LRRC4C: variants seen among roughly 807,000 people sequenced by gnomAD.
LRRC4C encodes the protein leucine rich repeat containing 4C, also known as leucine-rich repeat-containing protein 4C.
In LRRC4C, 5 loss-of-function variants were observed where a neutral mutation model predicts 33.6. The ratio of observed to expected loss-of-function variants is 0.15; its 90% CI spans 0.08 to 0.31. The LOEUF (loss-of-function observed/expected upper bound fraction) is 0.31, where lower values mean the gene tolerates loss of function less well. Ranked by LOEUF, LRRC4C falls within the 10% of genes least tolerant of loss-of-function variation. The probability of loss-of-function intolerance (pLI) is 1.00; values close to 1 mark genes in which losing one functional copy is unlikely to be tolerated. For missense variants in LRRC4C, 560 were observed against 796.7 expected (o/e 0.70, Z 3.58); for synonymous variants, 329 against 302.0 (o/e 1.09, Z -0.93).
chr11:40,903,065 A>T (rs936972345), intron 2 of LRRC4C, among the ~76,000 whole-genome samples: 1 of 152,186 alleles, frequency 6.6e-6, no homozygotes, highest in Non-Finnish European at 1.5e-5. Context: ...GCTAGAGAGA[A>T]GTCAATGCCT....
intron 1 of LRRC4C, among the ~76,000 whole-genome samples, chr11:41,012,392 G>C (rs1004234772): frequency 5.3e-5 from 8 of 152,014 alleles, no homozygotes; most frequent in Non-Finnish European, 1.0e-4. Context: ...TTCCATCCAT[G>C]TTGCAGAAAA....
chr11:40,557,094 A>T (rs1218886986), intron 3 of LRRC4C, among the ~76,000 whole-genome samples: 1 of 152,144 alleles, frequency 6.6e-6, no homozygotes, highest in Non-Finnish European at 1.5e-5. Flanking sequence ...TAGCACTGCT[A>T]GCACATATTG....
chr11:40,483,145 G>A lies in LRRC4C; in HGVS notation c.-269-163424C>T, dbSNP rs558955366. ...ACCTTCATGTAGTCAAGGAAGTGAC[G>A]CATCTCTGGCTGGGATTAGGGCATG... On this transcript the variant is annotated intron_variant, in intron 3 of 6. Transcript: ENST00000528697. 1.2e-3 allele frequency among the ~76,000 whole-genome samples: 187 copies of A among 152,258 alleles called. 1 individual carries two copies. Among genetic ancestry groups the A allele is most frequent in the Middle Eastern group, 3.4e-3 (1 of 294 alleles).
At chr11:40,988,989 G>A (rs1474179316) in intron 1 of LRRC4C, among the ~76,000 whole-genome samples, 1 of 151,992 alleles carries the variant, frequency 6.6e-6, no homozygotes, top group Non-Finnish European at 1.5e-5. Flanking sequence ...TAAAGTGCTA[G>A]GATTACAGGC....
At chr11:40,135,527 T>G (rs1856909902) in intron 6 of LRRC4C, among the ~76,000 whole-genome samples, 1 of 152,190 alleles carries the variant, frequency 6.6e-6, no homozygotes, top group Non-Finnish European at 1.5e-5. Flanking sequence ...GAGCTGTACA[T>G]GAAAAGCAAT....
chr11:41,279,902 A>G (rs1386108937), intron 1 of LRRC4C, among the ~76,000 whole-genome samples: 1 of 151,750 alleles, frequency 6.6e-6, no homozygotes, highest in South Asian at 2.1e-4. Flanking sequence ...ATTGAATTAT[A>G]TCATTATATC....
chr11:40,409,761 A>G (rs753070491), intron 3 of LRRC4C, among the ~76,000 whole-genome samples: 3 of 152,040 alleles, frequency 2.0e-5, no homozygotes, highest in Non-Finnish European at 4.4e-5. Context: ...GGAGAAAGGG[A>G]ATCCTTGAAC....
At chr11:41,450,806 T>C (rs1253157053) in intron 1 of LRRC4C, among the ~76,000 whole-genome samples, 2 of 152,172 alleles carry the variant, frequency 1.3e-5, no homozygotes, top group Admixed American at 1.3e-4. Flanking sequence ...CTATTAGCAC[T>C]GATATATGCA....
chr11:41,033,516 C>T lies in LRRC4C; in HGVS notation c.-495-99793G>A, dbSNP rs140869390. Among the ~76,000 whole-genome samples the T allele has an allele frequency of 4.5e-3, 686 of 151,698 alleles. 5 individuals are homozygous for T. The highest frequency in any genetic ancestry group is 0.015 in the African/African-American group (642 of 41,472). ...AAAATTATATACAGGGTGACCATTT[C>T]ATCCTGGTTCACCTGAGACTTTCTG... On this transcript the variant is annotated intron_variant, in intron 1 of 6. Transcript: ENST00000528697.
chr11:40,521,740 G>A (rs1348154362), intron 3 of LRRC4C, among the ~76,000 whole-genome samples: 3 of 152,008 alleles, frequency 2.0e-5, no homozygotes, highest in Non-Finnish European at 4.4e-5. Flanking sequence ...ATTGTGGTGT[G>A]CGCCTGTAGT....
At chr11:40,744,085 G>A (rs1304980152) in intron 2 of LRRC4C, among the ~76,000 whole-genome samples, 8 of 152,170 alleles carry the variant, frequency 5.3e-5, no homozygotes, top group South Asian at 2.1e-4. Flanking sequence ...TGTGTTCACC[G>A]TGTTCCGGCA....
intron 3 of LRRC4C, among the ~76,000 whole-genome samples, chr11:40,432,981 A>G (rs1420750837): frequency 2.6e-5 from 4 of 152,144 alleles, no homozygotes; most frequent in Non-Finnish European, 5.9e-5. Flanking sequence ...ACAAATAATA[A>G]ATGTTCCTTG....
intron 2 of LRRC4C, among the ~76,000 whole-genome samples, chr11:40,802,508 C>CAAA (rs11385732): frequency 2.7e-4 from 39 of 144,858 alleles, no homozygotes; most frequent in African/African-American, 5.5e-4. Flanking sequence ...TTAGAATAAG[C>CAAA]AAAAAAAAAA....
chr11:41,267,831 G>T (rs1481990677), intron 1 of LRRC4C, among the ~76,000 whole-genome samples: 1 of 152,064 alleles, frequency 6.6e-6, no homozygotes, highest in Admixed American at 6.6e-5. Context: ...AGGATAAAAT[G>T]TCTAATAATG....
At chr11:40,820,659 A>T (rs528996879) in intron 2 of LRRC4C, among the ~76,000 whole-genome samples, 39 of 152,038 alleles carry the variant, frequency 2.6e-4, no homozygotes, top group Non-Finnish European at 5.0e-4. Flanking sequence ...CATTTTAAAA[A>T]TTATCAGAAA....
At chr11:40,337,402 C>G (rs932141336) in intron 3 of LRRC4C, among the ~76,000 whole-genome samples, 2 of 152,132 alleles carry the variant, frequency 1.3e-5, no homozygotes, top group African/African-American at 2.4e-5. Context: ...TGATTGAAAT[C>G]TGAGATATCA....
chr11:40,671,805 T>A (rs1944135238), intron 2 of LRRC4C, among the ~76,000 whole-genome samples: 1 of 152,146 alleles, frequency 6.6e-6, no homozygotes, highest in Admixed American at 6.5e-5. Context: ...CTCTGTTTTA[T>A]ATTTTCATCG....
chr11:40,231,773 TAC>T (rs1430531479), intron 5 of LRRC4C, among the ~76,000 whole-genome samples: 1 of 152,254 alleles, frequency 6.6e-6, no homozygotes, highest in Non-Finnish European at 1.5e-5. Flanking sequence ...ATTTAATATT[TAC>T]ACAGTTTATA....
intron 1 of LRRC4C, among the ~76,000 whole-genome samples, chr11:41,033,476 C>T (rs1005347207): frequency 1.3e-5 from 2 of 152,042 alleles, no homozygotes; most frequent in African/African-American, 4.8e-5. Context: ...TCCACTTATC[C>T]CGTGATGCTC....
Sources: allele counts gnomAD v4.1 joint callset (sites outside exome capture counted in the v4.1 genomes callset), GRCh38; gene constraint gnomAD v4.1.1; transcripts MANE v1.5; gene names NCBI Gene and HGNC (gene_info 2026-07-23, HGNC 2026-07-21).